RXFP1: variants seen among roughly 807,000 people sequenced by gnomAD.
The protein encoded by RXFP1 is relaxin family peptide receptor 1.
Under a neutral mutation model 89.8 loss-of-function variants are expected in RXFP1, and 73 were observed. The observed-to-expected ratio is 0.81, with a 90% CI of 0.67 to 0.99. The LOEUF is 0.99. RXFP1 is among the 50% of genes least tolerant of loss of function. The probability of loss-of-function intolerance (pLI) is 0.00; values close to 1 mark genes in which losing one functional copy is unlikely to be tolerated. For synonymous variants in RXFP1, 277 were observed against 305.5 expected (o/e 0.91, Z 0.97); for missense variants, 793 against 895.5 (o/e 0.89, Z 1.46).
chr4:158,624,003 C>T (rs951093340), intron 9 of RXFP1, among the ~76,000 whole-genome samples: 1 of 151,988 alleles, frequency 6.6e-6, no homozygotes, highest in Non-Finnish European at 1.5e-5. Context: ...GGGGAAAAAA[C>T]CCCAACAACT....
chr4:158,556,391 T>C (rs989195774), intron 1 of RXFP1, among the ~76,000 whole-genome samples: 1 of 152,120 alleles, frequency 6.6e-6, no homozygotes, highest in Non-Finnish European at 1.5e-5. Flanking sequence ...CCAGTTAGAA[T>C]GGCTATTATC....
In RXFP1 at chr4:158,644,929, A is replaced by G; in HGVS notation, c.1136A>G (p.Tyr379Cys). Residue 379 changes from tyrosine to cysteine, a missense_variant, in exon 15 of 18, where the codon TAC (tyrosine) becomes TGC (cysteine). Transcript: ENST00000307765. ...LSHIYFKKFQ[Y>C]CGYAPHVRSC... ...ACCAGATATTTTAAGAAATTCCAGTACTGTGGGTATGCACCACATGTTCGC... is the reference window on the plus strand; with the variant it reads ...ACCAGATATTTTAAGAAATTCCAGTGCTGTGGGTATGCACCACATGTTCGC... The G allele has an allele frequency of 1.2e-6, 2 of 1,613,324 alleles. No individual in the cohort carries two copies. The highest frequency in any genetic ancestry group is 1.7e-6 in the Non-Finnish European group (2 of 1,179,320).
chr4:158,582,470 C>T (rs1157358645), intron 2 of RXFP1, among the ~76,000 whole-genome samples: 2 of 152,154 alleles, frequency 1.3e-5, no homozygotes, highest in South Asian at 2.1e-4. Flanking sequence ...ATCTGGTCCT[C>T]TGCCGTAAGT....
chr4:158,637,136 G>A (rs777350205), intron 12 of RXFP1, among the ~76,000 whole-genome samples: 1 of 152,048 alleles, frequency 6.6e-6, no homozygotes, highest in Non-Finnish European at 1.5e-5. Flanking sequence ...TTTTTATCAA[G>A]TCATCCTTTG....
intron 1 of RXFP1, among the ~76,000 whole-genome samples, chr4:158,555,179 C>T (rs1187135503): frequency 6.6e-6 from 1 of 151,966 alleles, no homozygotes; most frequent in African/African-American, 2.4e-5. Context: ...TACATGAGTT[C>T]CCTAGATACA....
intron 2 of RXFP1, among the ~76,000 whole-genome samples, chr4:158,587,479 T>C (rs1056254780): frequency 1.3e-5 from 2 of 152,198 alleles, no homozygotes; most frequent in African/African-American, 4.8e-5. Flanking sequence ...AACTTTTTTA[T>C]AATTCACACA....
chr4:158,544,779 T>A (rs1195548091), intron 1 of RXFP1, among the ~76,000 whole-genome samples: 3 of 152,140 alleles, frequency 2.0e-5, no homozygotes, highest in African/African-American at 4.8e-5. Flanking sequence ...ACATGAACTC[T>A]TCATTTTTTA....
At chr4:158,536,455 A>G (rs1560961285) in intron 1 of RXFP1, among the ~76,000 whole-genome samples, 2 of 152,190 alleles carry the variant, frequency 1.3e-5, no homozygotes, top group African/African-American at 4.8e-5. Context: ...GATAACTTCA[A>G]TATCCTTAGC....
intron 1 of RXFP1, among the ~76,000 whole-genome samples, chr4:158,570,948 T>C (rs1754932855): frequency 6.6e-6 from 1 of 152,054 alleles, no homozygotes; most frequent in East Asian, 1.9e-4. Flanking sequence ...CCACTTTAAC[T>C]ACCACCACCA....
chr4:158,557,463 T>A (rs1751555349), intron 1 of RXFP1, among the ~76,000 whole-genome samples: 1 of 152,224 alleles, frequency 6.6e-6, no homozygotes, highest in African/African-American at 2.4e-5. Context: ...GAAAATTTTT[T>A]AATTAATTGA....
chr4:158,559,406 G>A (rs1370107919), intron 1 of RXFP1, among the ~76,000 whole-genome samples: 1 of 152,178 alleles, frequency 6.6e-6, no homozygotes, highest in Non-Finnish European at 1.5e-5. Context: ...TTAGATGAAT[G>A]TAACCACTTA....
At chr4:158,538,841 T>G (rs1745916981) in intron 1 of RXFP1, among the ~76,000 whole-genome samples, 1 of 149,688 alleles carries the variant, frequency 6.7e-6, no homozygotes, top group Admixed American at 6.6e-5. Context: ...ACAAAAATGG[T>G]CATATAATCT....
chr4:158,523,222 G>A (rs1741618083), intron 1 of RXFP1, among the ~76,000 whole-genome samples: 2 of 152,084 alleles, frequency 1.3e-5, no homozygotes, highest in African/African-American at 4.8e-5. Flanking sequence ...AACTACCAGA[G>A]CTTTTGACAT....
intron 1 of RXFP1, among the ~76,000 whole-genome samples, chr4:158,549,516 G>C (rs1485347871): frequency 6.6e-6 from 1 of 152,196 alleles, no homozygotes; most frequent in Non-Finnish European, 1.5e-5. Context: ...CTTTGGAGGA[G>C]GAGAGGCGCT....
At chr4:158,640,308 T>C (rs1056328172) in intron 14 of RXFP1, among the ~76,000 whole-genome samples, 2 of 152,196 alleles carry the variant, frequency 1.3e-5, no homozygotes, top group African/African-American at 4.8e-5. Flanking sequence ...AATTGGTGTA[T>C]AGGGTGTGTT....
At chr4:158,536,388 G>C (rs988528624) in intron 1 of RXFP1, among the ~76,000 whole-genome samples, 2 of 152,098 alleles carry the variant, frequency 1.3e-5, no homozygotes, top group Non-Finnish European at 1.5e-5. Context: ...CACCTTAAGA[G>C]TATGATGAAA....
At chr4:158,637,140 T>G (rs1345375876) in intron 12 of RXFP1, among the ~76,000 whole-genome samples, 1 of 152,206 alleles carries the variant, frequency 6.6e-6, no homozygotes, top group Admixed American at 6.5e-5. Flanking sequence ...TATCAAGTCA[T>G]CCTTTGATGG....
At chr4:158,559,082 T>G (rs1751916310) in intron 1 of RXFP1, among the ~76,000 whole-genome samples, 1 of 152,248 alleles carries the variant, frequency 6.6e-6, no homozygotes, top group East Asian at 1.9e-4. Flanking sequence ...GTTAAAATTT[T>G]TACATATTTA....
chr4:158,567,732 TA>T (rs1230953443), intron 1 of RXFP1, among the ~76,000 whole-genome samples: 1 of 152,090 alleles, frequency 6.6e-6, no homozygotes, highest in Non-Finnish European at 1.5e-5. Context: ...TCAGGGATTG[TA>T]AACACACCAA....
Sources: allele counts gnomAD v4.1 joint callset (sites outside exome capture counted in the v4.1 genomes callset), GRCh38; gene constraint gnomAD v4.1.1; transcripts MANE v1.5; gene names NCBI Gene and HGNC (gene_info 2026-07-23, HGNC 2026-07-21).